Variants in ENTREP2 observed in about 807,000 individuals in gnomAD.
ENTREP2 encodes the protein protein ENTREP2.
At chr15:29,449,762 G>C in the ENTREP2 span, among the ~76,000 whole-genome samples, 1 of 152,284 alleles carries the variant, frequency 6.6e-6, no homozygotes, top group Admixed American at 6.5e-5. Flanking sequence ...CCACTTCATG[G>C]TTTTAATTAG....
At chr15:29,160,203 A>T in the ENTREP2 span, among the ~76,000 whole-genome samples, 2 of 152,186 alleles carry the variant, frequency 1.3e-5, no homozygotes, top group Non-Finnish European at 2.9e-5. Context: ...GCCCACTTGG[A>T]ACTCCTGCTG....
the ENTREP2 span, among the ~76,000 whole-genome samples, chr15:29,119,054 C>T: frequency 9.1e-4 from 138 of 152,222 alleles, 2 homozygotes; most frequent in East Asian, 0.025. Flanking sequence ...CTCACCTAGC[C>T]GCCCAGAGGG....
chr15:29,196,624 G>A, the ENTREP2 span: 35 of 1,518,536 alleles, frequency 2.3e-5, 1 homozygote, highest in South Asian at 1.4e-4. Flanking sequence ...CCGAGGGTAC[G>A]CGTGAGTGAC....
At chr15:29,272,425 A>G in the ENTREP2 span, among the ~76,000 whole-genome samples, 3 of 152,300 alleles carry the variant, frequency 2.0e-5, no homozygotes, top group South Asian at 6.2e-4. Context: ...CAGTCCGAAA[A>G]TATTAGGATA....
chr15:29,555,403 T>C, the ENTREP2 span, among the ~76,000 whole-genome samples: 1 of 152,234 alleles, frequency 6.6e-6, no homozygotes, highest in East Asian at 1.9e-4. Flanking sequence ...TTTTCTCTTT[T>C]GGTACTCTGT....
the ENTREP2 span, among the ~76,000 whole-genome samples, chr15:29,227,929 G>A: frequency 6.6e-6 from 1 of 152,032 alleles, no homozygotes; most frequent in Non-Finnish European, 1.5e-5. Context: ...GAAGTCAACA[G>A]GATTGAGACT....
chr15:29,292,850 C>G, the ENTREP2 span, among the ~76,000 whole-genome samples: 5 of 152,346 alleles, frequency 3.3e-5, no homozygotes, highest in East Asian at 3.9e-4. Context: ...TCATTCCTCA[C>G]TTCTTTTCTA....
At chr15:29,546,665 T>A in the ENTREP2 span, among the ~76,000 whole-genome samples, 1 of 152,036 alleles carries the variant, frequency 6.6e-6, no homozygotes, top group African/African-American at 2.4e-5. Flanking sequence ...GGCAGGCGGA[T>A]CATGAGGTCA....
the ENTREP2 span, among the ~76,000 whole-genome samples, chr15:29,215,378 A>C: frequency 6.6e-6 from 1 of 152,048 alleles, no homozygotes; most frequent in Admixed American, 6.5e-5. Flanking sequence ...AAGCAGGCAG[A>C]AAAATGTGAA....
the ENTREP2 span, among the ~76,000 whole-genome samples, chr15:29,308,739 A>G: frequency 1.3e-4 from 20 of 152,188 alleles, no homozygotes; most frequent in African/African-American, 4.8e-4. Flanking sequence ...ACCCCAACAT[A>G]TGGAGCTCTG....
chr15:29,418,376 A>G, the ENTREP2 span, among the ~76,000 whole-genome samples: 1 of 152,156 alleles, frequency 6.6e-6, no homozygotes, highest in Non-Finnish European at 1.5e-5. Flanking sequence ...CCAGAAGGAC[A>G]AGGCTCATCT....
the ENTREP2 span, among the ~76,000 whole-genome samples, chr15:29,163,340 CAGG>C: frequency 1.3e-5 from 2 of 151,984 alleles, no homozygotes; most frequent in Admixed American, 1.3e-4. Context: ...AAAAAGAATT[CAGG>C]AGGTTAGTTA....
the ENTREP2 span, among the ~76,000 whole-genome samples, chr15:29,361,465 C>G: frequency 1.3e-5 from 2 of 152,208 alleles, no homozygotes; most frequent in East Asian, 3.8e-4. Context: ...CGATTTCTAA[C>G]TTGCAGCAAT....
the ENTREP2 span, chr15:29,124,688 G>A: frequency 1.3e-6 from 2 of 1,550,336 alleles, no homozygotes; most frequent in East Asian, 2.4e-5. Flanking sequence ...GCGTCTCACC[G>A]CTCCCAGGCA....
chr15:29,656,901 G>A, the ENTREP2 span, among the ~76,000 whole-genome samples: 1 of 152,100 alleles, frequency 6.6e-6, no homozygotes, highest in Non-Finnish European at 1.5e-5. Context: ...GTACACAAAC[G>A]TTTAAAGCAG....
chr15:29,154,451 C>T, the ENTREP2 span, among the ~76,000 whole-genome samples: 6 of 145,948 alleles, frequency 4.1e-5, no homozygotes, highest in African/African-American at 1.6e-4. Context: ...AAATCCATGT[C>T]AGAAATAGAA....
the ENTREP2 span, among the ~76,000 whole-genome samples, chr15:29,414,338 A>C: frequency 1.3e-5 from 2 of 152,230 alleles, no homozygotes; most frequent in African/African-American, 2.4e-5. Flanking sequence ...ACTCAGGATT[A>C]AGAAACTCAC....
chr15:29,615,240 C>T, the ENTREP2 span, among the ~76,000 whole-genome samples: 1 of 151,804 alleles, frequency 6.6e-6, no homozygotes, highest in Non-Finnish European at 1.5e-5. Flanking sequence ...ACTGCAACCT[C>T]TGCCTTCCGG....
At chr15:29,162,553 G>C in the ENTREP2 span, among the ~76,000 whole-genome samples, 1 of 152,188 alleles carries the variant, frequency 6.6e-6, no homozygotes, top group Middle Eastern at 3.4e-3. Flanking sequence ...CCACTTCTCT[G>C]AAAACCTGCA....
Sources: allele counts gnomAD v4.1 joint callset (sites outside exome capture counted in the v4.1 genomes callset), GRCh38; gene constraint gnomAD v4.1.1; transcripts MANE v1.5; gene names NCBI Gene and HGNC (gene_info 2026-07-23, HGNC 2026-07-21).